The following WDR7 variants were observed in gnomAD, a reference collection of about 807,000 sequenced individuals.
WDR7 encodes the protein WD repeat-containing protein 7.
Under a neutral mutation model 169.4 loss-of-function variants are expected in WDR7, and 46 were observed. The ratio of observed to expected loss-of-function variants is 0.27; its 90% CI spans 0.21 to 0.35. The LOEUF is 0.35. Ranked by LOEUF, WDR7 falls within the 10% of genes least tolerant of loss-of-function variation. WDR7 has a pLI of 1.00. For missense variants in WDR7, 1,534 were observed against 1,859.3 expected (o/e 0.83, Z 3.22); for synonymous variants, 612 against 666.8 (o/e 0.92, Z 1.27).
intron 22 of WDR7, among the ~76,000 whole-genome samples, chr18:56,933,947 C>G (rs748881707): frequency 6.6e-6 from 1 of 152,202 alleles, no homozygotes; most frequent in Non-Finnish European, 1.5e-5. Flanking sequence ...CATTCCTTTT[C>G]CCTGGCTGAC....
chr18:56,671,618 G>A (rs1336475431), intron 1 of WDR7, among the ~76,000 whole-genome samples: 4 of 152,146 alleles, frequency 2.6e-5, no homozygotes, highest in Non-Finnish European at 4.4e-5. Context: ...ACAGGACTGA[G>A]TTTTTCTTGG....
chr18:56,804,440 A>C (rs895154343), intron 19 of WDR7, among the ~76,000 whole-genome samples: 1 of 152,220 alleles, frequency 6.6e-6, no homozygotes, highest in Non-Finnish European at 1.5e-5. Flanking sequence ...AATTTATTTG[A>C]GAAACATAAA....
intron 16 of WDR7, among the ~76,000 whole-genome samples, chr18:56,762,215 TTGA>T (rs747399667): frequency 2.6e-5 from 4 of 152,018 alleles, no homozygotes; most frequent in Admixed American, 6.5e-5. Flanking sequence ...ATTATTGTAT[TTGA>T]TTTAATATTT....
At chr18:56,665,169 T>C (rs947965681) in intron 1 of WDR7, among the ~76,000 whole-genome samples, 3 of 151,800 alleles carry the variant, frequency 2.0e-5, no homozygotes, top group Non-Finnish European at 4.4e-5. Context: ...AGCGGGCGCC[T>C]GTAATCCCAG....
chr18:56,763,769 G>T (rs532010640), intron 16 of WDR7, among the ~76,000 whole-genome samples: 16 of 152,172 alleles, frequency 1.1e-4, no homozygotes, highest in Non-Finnish European at 1.9e-4. Context: ...TATAGATATA[G>T]GGCTATTCTG....
chr18:56,733,378 C>T (rs2026629221), intron 14 of WDR7, among the ~76,000 whole-genome samples: 1 of 152,092 alleles, frequency 6.6e-6, no homozygotes, highest in Non-Finnish European at 1.5e-5. Context: ...AAGAGCTGTC[C>T]TCTGGATAGC....
chr18:56,892,535 A>G (rs2046277959), intron 21 of WDR7, among the ~76,000 whole-genome samples: 1 of 151,874 alleles, frequency 6.6e-6, no homozygotes, highest in South Asian at 2.1e-4. Context: ...TTTTTTTTGC[A>G]AATAAAGTTT....
intron 17 of WDR7, among the ~76,000 whole-genome samples, chr18:56,779,031 A>G (rs554883188): frequency 3.9e-5 from 6 of 152,276 alleles, no homozygotes; most frequent in Admixed American, 2.6e-4. Context: ...CTATTTTTGG[A>G]TATCTGTGTG....
intron 2 of WDR7, among the ~76,000 whole-genome samples, chr18:56,673,028 T>G (rs2025168874): frequency 6.6e-6 from 1 of 152,176 alleles, no homozygotes; most frequent in Admixed American, 6.5e-5. Flanking sequence ...GGCAAAACTT[T>G]TTACAAAGTA....
At chr18:56,908,580 A>T (rs1254575969) in intron 21 of WDR7, among the ~76,000 whole-genome samples, 1 of 152,214 alleles carries the variant, frequency 6.6e-6, no homozygotes, top group Non-Finnish European at 1.5e-5. Context: ...AGAGGCTGTC[A>T]AGTCAGGTCA....
chr18:56,991,400 C>T (rs1165473741), intron 26 of WDR7, among the ~76,000 whole-genome samples: 2 of 152,146 alleles, frequency 1.3e-5, no homozygotes, highest in African/African-American at 4.8e-5. Flanking sequence ...CTGCCTTGGC[C>T]TCCCAAAGTG....
At chr18:56,695,501 T>C (rs540579348) in intron 11 of WDR7, among the ~76,000 whole-genome samples, 5 of 152,222 alleles carry the variant, frequency 3.3e-5, no homozygotes, top group South Asian at 4.1e-4. Flanking sequence ...CCAGTAATTC[T>C]GAAAATCCTC....
At chr18:56,654,701 A>G (rs1598936139) in intron 1 of WDR7, among the ~76,000 whole-genome samples, 1 of 152,292 alleles carries the variant, frequency 6.6e-6, no homozygotes, top group African/African-American at 2.4e-5. Context: ...TCTTTTGGCT[A>G]TATGGTTGTA....
intron 2 of WDR7, among the ~76,000 whole-genome samples, chr18:56,676,454 A>T (rs555133816): frequency 1.3e-5 from 2 of 151,820 alleles, no homozygotes; most frequent in African/African-American, 4.8e-5. Context: ...TTGTTTTGTG[A>T]TATTTATTTC....
At chr18:56,977,435 C>T (rs986309270) in intron 26 of WDR7, among the ~76,000 whole-genome samples, 6 of 152,184 alleles carry the variant, frequency 3.9e-5, no homozygotes, top group Non-Finnish European at 5.9e-5. Context: ...GGCCAAGGCC[C>T]GCTTCCCCAT....
At position 56,681,375 on chromosome 18, in the gene WDR7, C is replaced by T; in HGVS notation, c.329C>T (p.Thr110Ile). 1.3e-6 allele frequency: 2 copies of T among 1,590,304 alleles called. No homozygotes were observed. Among genetic ancestry groups the T allele is most frequent in the Non-Finnish European group, 8.5e-7 (1 of 1,172,572 alleles). ...RCIEFTKLACTHTGIQFYQFS... is the reference protein window; with the variant it reads ...RCIEFTKLACIHTGIQFYQFS... Reference sequence around the variant, plus strand: ...ATTGAATTTACAAAATTAGCTTGCACACATACTGGCATACAGGTTAGTTTC... The same window carrying T: ...ATTGAATTTACAAAATTAGCTTGCATACATACTGGCATACAGGTTAGTTTC... The change falls in exon 4 of 28, where the codon ACA (threonine) becomes ATA (isoleucine). Residue 110 changes from threonine to isoleucine, a missense_variant. Transcript: ENST00000254442.
At chr18:56,954,478 A>T (rs1457348412) in intron 25 of WDR7, among the ~76,000 whole-genome samples, 1 of 152,158 alleles carries the variant, frequency 6.6e-6, no homozygotes, top group African/African-American at 2.4e-5. Flanking sequence ...AAGAGTATGT[A>T]AAATAAAATC....
At chr18:56,724,249 T>C (rs1484131563) in intron 13 of WDR7, among the ~76,000 whole-genome samples, 1 of 149,334 alleles carries the variant, frequency 6.7e-6, no homozygotes, top group Non-Finnish European at 1.5e-5. Context: ...TTCACTCTTG[T>C]TGCCCAGGCT....
intron 13 of WDR7, among the ~76,000 whole-genome samples, chr18:56,727,501 G>A (rs1429677697): frequency 1.3e-5 from 2 of 152,152 alleles, no homozygotes; most frequent in African/African-American, 4.8e-5. Flanking sequence ...CATGGTGAAA[G>A]GCACCTCTTC....
Sources: allele counts gnomAD v4.1 joint callset (sites outside exome capture counted in the v4.1 genomes callset), GRCh38; gene constraint gnomAD v4.1.1; transcripts MANE v1.5; gene names NCBI Gene and HGNC (gene_info 2026-07-23, HGNC 2026-07-21).